The following TIPARP variants were observed in gnomAD, a reference collection of about 807,000 sequenced individuals.
TIPARP encodes protein mono-ADP-ribosyltransferase TIPARP.
A neutral mutation model predicts 56.5 loss-of-function variants in TIPARP; 12 were observed. The observed-to-expected ratio is 0.21, with a 90% CI of 0.14 to 0.34. The LOEUF (loss-of-function observed/expected upper bound fraction) is 0.34. TIPARP is among the 10% of genes least tolerant of loss of function. The pLI, the probability that TIPARP is intolerant of heterozygous loss-of-function variation, is 1.00. For missense variants in TIPARP, 604 were observed against 781.6 expected (o/e 0.77, Z 2.71); for synonymous variants, 296 against 265.7 (o/e 1.11, Z -1.11).
Position 156,679,007 on chromosome 3 carries a change from A to G in TIPARP, c.917+393A>G, listed in dbSNP as rs546398297. ...AATTTTAAAGCTCTGCACATTGAGCAGCTGTTATTTTTTAAAGAAAAATAG... is the reference window on the plus strand; with the variant it reads ...AATTTTAAAGCTCTGCACATTGAGCGGCTGTTATTTTTTAAAGAAAAATAG... On this transcript the variant is annotated intron_variant, in intron 2 of 5. Coordinates refer to ENST00000295924, the MANE Select transcript of TIPARP (RefSeq NM_015508.5). 2.8e-3 allele frequency among the ~76,000 whole-genome samples: 428 copies of G among 152,340 alleles called. 2 individuals carry two copies. Among genetic ancestry groups the G allele is most frequent in the African/African-American group, 9.7e-3 (403 of 41,580 alleles).
Position 156,677,727 on chromosome 3 carries a change from A to G in TIPARP, c.30A>G (p.Pro10=). The G allele has an allele frequency of 6.2e-7, 1 of 1,608,488 alleles. No homozygotes were observed. Among genetic ancestry groups the G allele is most frequent in the South Asian group, 1.1e-5 (1 of 90,148 alleles). The change falls in exon 2 of 6, where the codon CCA becomes CCG. Residue 10 remains proline, a synonymous_variant. Coordinates refer to ENST00000295924, the MANE Select transcript of TIPARP (RefSeq NM_015508.5). ...AAATGGAAACCACCGAACCTGAGCCAGACTGTGTAGTGCAGCCTCCCTCTC... is the reference window on the plus strand; with the variant it reads ...AAATGGAAACCACCGAACCTGAGCCGGACTGTGTAGTGCAGCCTCCCTCTC... MEMETTEPE[P]DCVVQPPSPP...
chr3:156,692,085 C>T (rs193211942), intron 2 of TIPARP, among the ~76,000 whole-genome samples: 1 of 152,258 alleles, frequency 6.6e-6, no homozygotes, highest in East Asian at 1.9e-4. Context: ...TGCATGTTAA[C>T]ATAATGACTG....
Position 156,694,183 on chromosome 3 carries a change from C to G in TIPARP, c.1081C>G (p.Pro361Ala), listed in dbSNP as rs141280180. Residue 361 changes from proline (P) to alanine (A), a missense_variant, in exon 3 of 6, where the codon CCC becomes GCC. By Grantham distance (27) the Pro-to-Ala change is conservative. Transcript: ENST00000295924. ...CRDHFGWREY[P>A]ESVIRLIEEA... ...GGACCACTTTGGATGGAGAGAGTATCCCGAGGTATTTACAGATTCTTTGTT... is the reference window on the plus strand; with the variant it reads ...GGACCACTTTGGATGGAGAGAGTATGCCGAGGTATTTACAGATTCTTTGTT... The G allele has an allele frequency of 3.8e-6, 6 of 1,591,054 alleles. No individual in the cohort carries two copies. In the African/African-American group the frequency reaches 8.2e-5, roughly 22 times the overall value.
In TIPARP at chr3:156,678,015, T is replaced by C. The variant is rs779963122; in HGVS notation, c.318T>C (p.Asn106=). ...INSSCPPAEN[N]MSVLIPDRTN... is the part of the protein sequence containing the mutation. ...CATCATGCCCACCAGCAGAAAATAA[T>C]ATGTCTGTTCTGATTCCTGATAGGA... The change falls in exon 2 of 6, where the codon AAT becomes AAC. Residue 106 remains asparagine, a synonymous_variant. Coordinates refer to ENST00000295924, the MANE Select transcript of TIPARP (RefSeq NM_015508.5). 6 of 1,613,970 alleles carry C rather than the reference T, an allele frequency of 3.7e-6. No individual in the cohort carries two copies. Among genetic ancestry groups the C allele is most frequent in the Non-Finnish European group, 5.1e-6 (6 of 1,180,048 alleles).
At position 156,705,319 on chromosome 3, in the gene TIPARP, C is replaced by T. The variant is rs992860803; in HGVS notation, c.*188C>T. The T allele has an allele frequency of 2.5e-5, 13 of 525,724 alleles. No homozygotes were observed. The highest frequency in any genetic ancestry group is 4.3e-5 in the Non-Finnish European group (13 of 301,100). 32.6% of individuals were successfully genotyped at this position (525,724 alleles called of 1,614,324 possible). A position where few individuals can be genotyped will look rare whatever the true frequency, so the allele number is the denominator to read the frequency against. On this transcript the variant is annotated 3_prime_UTR_variant, in exon 6 of 6. Coordinates refer to ENST00000295924, the MANE Select transcript of TIPARP (RefSeq NM_015508.5). ...ACAAGTTTTAAAATGACCACTTACTCTTTAATTATTTACTAATTGCTAGTG... is the reference window on the plus strand; with the variant it reads ...ACAAGTTTTAAAATGACCACTTACTTTTTAATTATTTACTAATTGCTAGTG...
At chr3:156,678,965 A>C (rs1321137322) in intron 2 of TIPARP, among the ~76,000 whole-genome samples, 2 of 152,196 alleles carry the variant, frequency 1.3e-5, no homozygotes, top group Non-Finnish European at 2.9e-5. Flanking sequence ...ATAAATAATG[A>C]ATCTCCTAAT....
intron 4 of TIPARP, among the ~76,000 whole-genome samples, chr3:156,699,781 T>G (rs940724340): frequency 6.6e-6 from 1 of 152,216 alleles, no homozygotes; most frequent in African/African-American, 2.4e-5. Flanking sequence ...TTTTCTATTT[T>G]AATCTTTCTG....
At chr3:156,697,686 G>A (rs1230367677) in intron 4 of TIPARP, among the ~76,000 whole-genome samples, 3 of 151,968 alleles carry the variant, frequency 2.0e-5, no homozygotes, top group Non-Finnish European at 2.9e-5. Context: ...ATCATATTTC[G>A]GGTATTCTTC....
Position 156,677,847 on chromosome 3 carries a change from T to C in TIPARP, c.150T>C (p.Thr50=). ...AAAAGGATCAGAAAAGATTGGGAAC[T>C]GGAACCCTGAGGTCTTTGAGGCCAA... ...FKKKDQKRLG[T]GTLRSLRPIL... is the part of the protein sequence containing the mutation. Residue 50 remains threonine (T), a synonymous_variant, in exon 2 of 6, where the codon ACT becomes ACC. Coordinates refer to ENST00000295924, the MANE Select transcript of TIPARP (RefSeq NM_015508.5). 6.2e-7 allele frequency: 1 copy of C among 1,614,174 alleles called. No individual in the cohort carries two copies. The highest frequency in any genetic ancestry group is 8.5e-7 in the Non-Finnish European group (1 of 1,180,036).
At chr3:156,684,694 A>G (rs1222890216) in intron 2 of TIPARP, among the ~76,000 whole-genome samples, 1 of 152,218 alleles carries the variant, frequency 6.6e-6, no homozygotes, top group East Asian at 1.9e-4. Context: ...GGCCTCACAA[A>G]GTGCTAGGAT....
intron 2 of TIPARP, among the ~76,000 whole-genome samples, chr3:156,681,453 A>T (rs1056765573): frequency 3.9e-5 from 6 of 152,196 alleles, no homozygotes; most frequent in African/African-American, 1.4e-4. Context: ...ATACTTGGGG[A>T]AAGTTCATAG....
intron 3 of TIPARP, among the ~76,000 whole-genome samples, chr3:156,694,775 A>G (rs2108494598): frequency 6.6e-6 from 1 of 152,330 alleles, no homozygotes; most frequent in Middle Eastern, 3.4e-3. Flanking sequence ...TTGCTTCTGA[A>G]TGACAATTCT....
intron 4 of TIPARP, among the ~76,000 whole-genome samples, chr3:156,697,649 C>T (rs1422893710): frequency 2.0e-5 from 3 of 152,156 alleles, no homozygotes; most frequent in Admixed American, 1.3e-4. Context: ...GTATTTTCAA[C>T]AGCATGCGCT....
chr3:156,689,385 A>G (rs966645150), intron 2 of TIPARP, among the ~76,000 whole-genome samples: 3 of 152,128 alleles, frequency 2.0e-5, no homozygotes, highest in Non-Finnish European at 2.9e-5. Context: ...CTCTTTCATC[A>G]TATGTCTCTT....
chr3:156,675,921 T>G (rs1034770051), intron 1 of TIPARP: 3 of 152,264 alleles, frequency 2.0e-5, no homozygotes, highest in Admixed American at 2.0e-4. Context: ...GTTCTCTGCT[T>G]CTTCCTCCCA....
At chr3:156,682,328 A>G (rs1175638087) in intron 2 of TIPARP, among the ~76,000 whole-genome samples, 1 of 152,186 alleles carries the variant, frequency 6.6e-6, no homozygotes, top group African/African-American at 2.4e-5. Flanking sequence ...TTCAGAGGAC[A>G]GGGTTTTTTT....
intron 2 of TIPARP, among the ~76,000 whole-genome samples, chr3:156,679,965 C>A (rs1045051726): frequency 6.6e-5 from 10 of 152,052 alleles, no homozygotes; most frequent in African/African-American, 2.4e-4. Context: ...TATCTCGTTC[C>A]CATTCAGTAA....
At chr3:156,687,595 A>C (rs1466658894) in intron 2 of TIPARP, among the ~76,000 whole-genome samples, 1 of 152,210 alleles carries the variant, frequency 6.6e-6, no homozygotes, top group African/African-American at 2.4e-5. Context: ...AGATGTATTC[A>C]AATGGCTATG....
intron 2 of TIPARP, among the ~76,000 whole-genome samples, chr3:156,692,087 T>G (rs1722590802): frequency 6.6e-6 from 1 of 152,170 alleles, no homozygotes. Context: ...CATGTTAACA[T>G]AATGACTGCT....
Sources: allele counts gnomAD v4.1 joint callset (sites outside exome capture counted in the v4.1 genomes callset), GRCh38; gene constraint gnomAD v4.1.1; transcripts MANE v1.5; gene names NCBI Gene and HGNC (gene_info 2026-07-23, HGNC 2026-07-21).